The following CAMK2D variants were observed in gnomAD, a reference collection of about 807,000 sequenced individuals.
CAMK2D encodes calcium/calmodulin-dependent protein kinase type II subunit delta.
CAMK2D carries 37 observed loss-of-function variants against 84.0 expected under a neutral mutation model. The observed-to-expected ratio is 0.44, with a 90% confidence interval of 0.34 to 0.58. The LOEUF is 0.58. Among genes scored for constraint, CAMK2D ranks in the 20% least tolerant of loss-of-function variants. CAMK2D has a pLI of 0.02. For synonymous variants in CAMK2D, 202 were observed against 212.5 expected (o/e 0.95, Z 0.43); for missense variants, 448 against 652.5 (o/e 0.69, Z 3.41).
At chr4:113,718,207 TTAA>T (rs1358622265) in intron 2 of CAMK2D, among the ~76,000 whole-genome samples, 4 of 152,194 alleles carry the variant, frequency 2.6e-5, no homozygotes, top group Non-Finnish European at 5.9e-5. Flanking sequence ...GTATTACTAC[TTAA>T]TAATAAAGAC....
rs2097273488 is a variant in CAMK2D at position 113,453,702 on chromosome 4, A to G, written c.*843T>C. The G allele has an allele frequency of 1.3e-5, 2 of 152,440 alleles. No homozygotes were observed. The highest frequency in any genetic ancestry group is 4.1e-4 in the South Asian group (2 of 4,830). 9.4% of individuals were successfully genotyped at this position (152,440 alleles called of 1,614,324 possible). ...ACTAGCCAGCCTCCCCAAAAAAGGA[A>G]AAGGGAAAAAAGTAAGAAAAGAATG... On this transcript the variant is annotated 3_prime_UTR_variant, in exon 21 of 21. Coordinates refer to ENST00000511664, the MANE Select transcript of CAMK2D (RefSeq NM_001321571.2).
chr4:113,681,214 C>A (rs1405238454), intron 2 of CAMK2D, among the ~76,000 whole-genome samples: 1 of 152,084 alleles, frequency 6.6e-6, no homozygotes, highest in African/African-American at 2.4e-5. Flanking sequence ...TTGGCTGTGT[C>A]CCCACTCAAA....
At chr4:113,675,411 T>C (rs2099314123) in intron 2 of CAMK2D, among the ~76,000 whole-genome samples, 2 of 152,216 alleles carry the variant, frequency 1.3e-5, no homozygotes, top group Admixed American at 1.3e-4. Flanking sequence ...ACAGAGAGAT[T>C]GCTCACTAGC....
intron 13 of CAMK2D, among the ~76,000 whole-genome samples, chr4:113,506,421 CATCA>C (rs2098128357): frequency 6.6e-6 from 1 of 152,110 alleles, no homozygotes; most frequent in South Asian, 2.1e-4. Flanking sequence ...TAAATGTTGT[CATCA>C]ATCTATATTC....
chr4:113,642,461 C>A (rs915554224), intron 3 of CAMK2D, among the ~76,000 whole-genome samples: 1 of 152,208 alleles, frequency 6.6e-6, no homozygotes, highest in African/African-American at 2.4e-5. Context: ...AGAATGTCCA[C>A]TCACCTCCAT....
chr4:113,591,818 G>T (rs556892852), intron 4 of CAMK2D, among the ~76,000 whole-genome samples: 2 of 152,216 alleles, frequency 1.3e-5, no homozygotes, highest in African/African-American at 4.8e-5. Flanking sequence ...GCTAGAATCT[G>T]TGACTAAGTA....
At chr4:113,628,145 C>G (rs915496533) in intron 3 of CAMK2D, among the ~76,000 whole-genome samples, 1 of 152,128 alleles carries the variant, frequency 6.6e-6, no homozygotes, top group Admixed American at 6.6e-5. Context: ...TCAATTACCA[C>G]CTAATCAATC....
At chr4:113,705,656 CA>C (rs894265481) in intron 2 of CAMK2D, among the ~76,000 whole-genome samples, 6 of 152,154 alleles carry the variant, frequency 3.9e-5, no homozygotes, top group Non-Finnish European at 8.8e-5. Context: ...AAAGTTTTAA[CA>C]AATGTGCTCT....
At chr4:113,709,769 A>G (rs1392328318) in intron 2 of CAMK2D, among the ~76,000 whole-genome samples, 1 of 121,632 alleles carries the variant, frequency 8.2e-6, no homozygotes, top group African/African-American at 3.5e-5. Context: ...ATATATATAT[A>G]TATATATATA....
intron 2 of CAMK2D, among the ~76,000 whole-genome samples, chr4:113,705,831 T>A (rs986969559): frequency 6.6e-6 from 1 of 152,156 alleles, no homozygotes; most frequent in African/African-American, 2.4e-5. Context: ...AATGTATGCA[T>A]CAAGAATGCA....
rs143950394 is a variant in CAMK2D at position 113,737,860 on chromosome 4, T to C, written c.160+21460A>G. Among the ~76,000 whole-genome samples the C allele has an allele frequency of 5.2e-3, 798 of 152,190 alleles. 6 individuals are homozygous for C. The highest frequency in any genetic ancestry group is 0.018 in the African/African-American group (755 of 41,516). On this transcript the variant is annotated intron_variant, in intron 2 of 20. Transcript: ENST00000511664. ...ACAAAACATCAAGCTCTCTAGTAAATGAGAATATGCATTGGGAAAGAGTGA... is the reference window on the plus strand; with the variant it reads ...ACAAAACATCAAGCTCTCTAGTAAACGAGAATATGCATTGGGAAAGAGTGA...
chr4:113,730,635 A>C (rs567642943), intron 2 of CAMK2D, among the ~76,000 whole-genome samples: 155 of 152,352 alleles, frequency 1.0e-3, no homozygotes, highest in African/African-American at 3.7e-3. Context: ...CCTATGACTG[A>C]GACATTTTCC....
At chr4:113,692,833 T>A (rs2099392238) in intron 2 of CAMK2D, among the ~76,000 whole-genome samples, 1 of 152,148 alleles carries the variant, frequency 6.6e-6, no homozygotes, top group South Asian at 2.1e-4. Flanking sequence ...ATTCCCTGGA[T>A]ACAAGTATAT....
At chr4:113,463,426 G>C (rs905731747) in intron 17 of CAMK2D, among the ~76,000 whole-genome samples, 1 of 152,028 alleles carries the variant, frequency 6.6e-6, no homozygotes, top group African/African-American at 2.4e-5. Flanking sequence ...GCCCAGGCTG[G>C]AGTGCAATGG....
intron 13 of CAMK2D, chr4:113,508,248 A>T (rs1237925035): frequency 6.4e-7 from 1 of 1,550,826 alleles, no homozygotes. Flanking sequence ...TCATCTGAAC[A>T]CTCGAACTGG....
At chr4:113,732,474 G>A (rs549206802) in intron 2 of CAMK2D, among the ~76,000 whole-genome samples, 23 of 152,234 alleles carry the variant, frequency 1.5e-4, no homozygotes, top group African/African-American at 4.8e-4. Flanking sequence ...GACAGCAGTG[G>A]TGTTTCTAAT....
chr4:113,497,238 A>G (rs1447228110), intron 16 of CAMK2D, among the ~76,000 whole-genome samples: 1 of 152,194 alleles, frequency 6.6e-6, no homozygotes, highest in Non-Finnish European at 1.5e-5. Flanking sequence ...TATAAAGGGT[A>G]GGAAACAGCA....
At chr4:113,462,483 G>A (rs1284828385) in intron 17 of CAMK2D, among the ~76,000 whole-genome samples, 1 of 152,076 alleles carries the variant, frequency 6.6e-6, no homozygotes, top group Non-Finnish European at 1.5e-5. Context: ...AGCTGACAGG[G>A]ATCCACCAGT....
At chr4:113,505,112 A>G (rs1218555074) in intron 13 of CAMK2D, 77 bp from the exon 14 acceptor site, 4 of 753,108 alleles carry the variant, frequency 5.3e-6, no homozygotes, top group Non-Finnish European at 8.5e-6. Context: ...CAGCATGTCT[A>G]CATAGAGATG....
Sources: gnomAD v4.1 joint callset for allele counts (sites outside exome capture counted in the v4.1 genomes callset) on GRCh38, gnomAD v4.1.1 for gene constraint, MANE v1.5 for transcripts, NCBI Gene and HGNC (gene_info 2026-07-23, HGNC 2026-07-21) for gene names.